The following SSH2 variants were observed in gnomAD, a reference collection of about 807,000 sequenced individuals.
The protein encoded by SSH2 is slingshot protein phosphatase 2, also known as protein phosphatase Slingshot homolog 2.
Under a neutral mutation model 135.2 loss-of-function variants are expected in SSH2, and 37 were observed. The ratio of observed to expected loss-of-function variants is 0.27; its 90% CI spans 0.21 to 0.36. SSH2 has a LOEUF of 0.36. Ranked by LOEUF, SSH2 falls within the 10% of genes least tolerant of loss-of-function variation. The probability of loss-of-function intolerance (pLI) is 1.00; values close to 1 mark genes in which losing one functional copy is unlikely to be tolerated. For synonymous variants in SSH2, 628 were observed against 646.2 expected, an observed-to-expected ratio of 0.97 and a Z score of 0.43; for missense variants, 1,408 against 1,765.3, an observed-to-expected ratio of 0.80 and a Z score of 3.63.
At chr17:29,689,093 G>A (rs2038354569) in intron 5 of SSH2, among the ~76,000 whole-genome samples, 1 of 151,930 alleles carries the variant, frequency 6.6e-6, no homozygotes, top group South Asian at 2.1e-4. Context: ...AGGAGGAGGA[G>A]GTTGCAGTAG....
chr17:29,793,551 C>G (rs947841503), intron 3 of SSH2: 31 of 172,094 alleles, frequency 1.8e-4, no homozygotes, highest in Non-Finnish European at 2.9e-4. Flanking sequence ...CAAAATTGAC[C>G]TTTCTGCCTC....
intron 3 of SSH2, among the ~76,000 whole-genome samples, chr17:29,730,707 G>A (rs1249728750): frequency 1.3e-5 from 2 of 152,062 alleles, no homozygotes; most frequent in Non-Finnish European, 2.9e-5. Flanking sequence ...CCAAAGTGCT[G>A]GGATTACAGG....
At chr17:29,773,232 A>G (rs2041626368) in intron 3 of SSH2, among the ~76,000 whole-genome samples, 1 of 152,172 alleles carries the variant, frequency 6.6e-6, no homozygotes, top group African/African-American at 2.4e-5. Context: ...ATCCTACCTA[A>G]CTAAACAGGA....
At chr17:29,856,565 ACT>A (rs995530718) in intron 1 of SSH2, among the ~76,000 whole-genome samples, 2 of 152,148 alleles carry the variant, frequency 1.3e-5, no homozygotes, top group African/African-American at 4.8e-5. Flanking sequence ...ACAGAGTGAG[ACT>A]CTGTCTCAAA....
At chr17:29,788,847 C>A (rs961401388) in intron 3 of SSH2, among the ~76,000 whole-genome samples, 4 of 152,138 alleles carry the variant, frequency 2.6e-5, no homozygotes, top group Non-Finnish European at 5.9e-5. Context: ...TTGCTAAAGG[C>A]AATTCTGGTG....
intron 3 of SSH2, among the ~76,000 whole-genome samples, chr17:29,748,595 C>T (rs1169571562): frequency 6.6e-6 from 1 of 152,042 alleles, no homozygotes; most frequent in African/African-American, 2.4e-5. Context: ...TTCAGTTATG[C>T]TTGCCCATTT....
chr17:29,699,473 C>T (rs16965140), intron 4 of SSH2, among the ~76,000 whole-genome samples: 2,642 of 152,264 alleles, frequency 0.017, 78 homozygotes, highest in African/African-American at 0.06. Context: ...AGTTTATACT[C>T]GCACTGCCTC....
At chr17:29,728,061 C>T (rs964488665) in intron 3 of SSH2, among the ~76,000 whole-genome samples, 6 of 151,994 alleles carry the variant, frequency 3.9e-5, no homozygotes, top group Non-Finnish European at 8.8e-5. Flanking sequence ...AACTTCTGGC[C>T]TCATGATACA....
intron 11 of SSH2, among the ~76,000 whole-genome samples, chr17:29,657,474 G>T (rs777255592): frequency 1.3e-5 from 2 of 149,502 alleles, no homozygotes; most frequent in Non-Finnish European, 3.0e-5. Flanking sequence ...TCACCATGTT[G>T]GTCAGGCTGG....
At chr17:29,675,869 C>T (rs2037693159) in intron 8 of SSH2, 1 of 152,084 alleles carries the variant, frequency 6.6e-6, no homozygotes, top group Admixed American at 6.6e-5. Flanking sequence ...GTAAGAAATA[C>T]TCTCAGGGCA....
At chr17:29,764,564 G>A (rs1333630384) in intron 3 of SSH2, among the ~76,000 whole-genome samples, 1 of 152,202 alleles carries the variant, frequency 6.6e-6, no homozygotes, top group East Asian at 1.9e-4. Flanking sequence ...CATGAAGTCA[G>A]AAGGGGCTTT....
chr17:29,832,604 C>T (rs1002650341), intron 2 of SSH2, among the ~76,000 whole-genome samples: 9 of 152,128 alleles, frequency 5.9e-5, no homozygotes, highest in Non-Finnish European at 1.0e-4. Flanking sequence ...CCTCTTGTTA[C>T]TGATTTCTAG....
At position 29,627,876 on chromosome 17, in the gene SSH2, C is replaced by G. The variant is rs991610044; in HGVS notation, c.*2965G>C. 5.9e-5 allele frequency: 9 copies of G among 152,096 alleles called. No homozygotes were observed. The highest frequency in any genetic ancestry group is 1.0e-4 in the Non-Finnish European group (7 of 68,008). 9.4% of individuals were successfully genotyped at this position (152,096 alleles called of 1,614,324 possible). On this transcript the variant is annotated 3_prime_UTR_variant, in exon 16 of 16. Coordinates refer to ENST00000540801, the MANE Select transcript of SSH2 (RefSeq NM_001282129.2). ...GTTTTTATATATGTACATATGTGTA[C>G]ACATGCACATACACTCCTCCAAAAT...
At chr17:29,765,892 C>T (rs554210390) in intron 3 of SSH2, among the ~76,000 whole-genome samples, 11 of 151,900 alleles carry the variant, frequency 7.2e-5, no homozygotes, top group South Asian at 2.1e-4. Flanking sequence ...TGCTGGTGGG[C>T]GCCTGTAATC....
At chr17:29,860,006 C>T (rs1450296155) in intron 1 of SSH2, among the ~76,000 whole-genome samples, 1 of 152,054 alleles carries the variant, frequency 6.6e-6, no homozygotes, top group East Asian at 1.9e-4. Flanking sequence ...ACCACCAAGC[C>T]CAGCTAATTT....
intron 8 of SSH2, among the ~76,000 whole-genome samples, chr17:29,673,447 G>A (rs749555957): frequency 6.6e-6 from 1 of 151,974 alleles, no homozygotes; most frequent in African/African-American, 2.4e-5. Flanking sequence ...GCACATGCCT[G>A]TAGTCCTAGG....
intron 3 of SSH2, among the ~76,000 whole-genome samples, chr17:29,767,444 C>T (rs2041473534): frequency 3.4e-5 from 5 of 148,186 alleles, no homozygotes; most frequent in Non-Finnish European, 7.4e-5. Flanking sequence ...TTTTAAATAA[C>T]ATTAACACAT....
chr17:29,715,332 G>A (rs530923325), intron 3 of SSH2, among the ~76,000 whole-genome samples: 80 of 151,460 alleles, frequency 5.3e-4, no homozygotes, highest in African/African-American at 1.8e-3. Flanking sequence ...TGCAAGCTCC[G>A]CCTTCCAGGT....
At chr17:29,715,670 G>A (rs1346692850) in intron 3 of SSH2, among the ~76,000 whole-genome samples, 1 of 152,112 alleles carries the variant, frequency 6.6e-6, no homozygotes, top group Non-Finnish European at 1.5e-5. Flanking sequence ...TTACATGTCT[G>A]AGCAGTAACT....
Sources: gnomAD v4.1 joint callset for allele counts (sites outside exome capture counted in the v4.1 genomes callset) on GRCh38, gnomAD v4.1.1 for gene constraint, MANE v1.5 for transcripts, NCBI Gene and HGNC (gene_info 2026-07-23, HGNC 2026-07-21) for gene names.